DAB2IP: variants seen among roughly 807,000 people sequenced by gnomAD.
DAB2IP encodes disabled homolog 2-interacting protein.
DAB2IP carries 28 observed loss-of-function variants against 107.2 expected under a neutral mutation model. The ratio of observed to expected loss-of-function variants is 0.26; its 90% CI spans 0.19 to 0.36. The LOEUF is 0.36. Among genes scored for constraint, DAB2IP ranks in the 10% least tolerant of loss-of-function variants. DAB2IP has a pLI of 1.00. For synonymous variants in DAB2IP, 755 were observed against 706.4 expected, an observed-to-expected ratio of 1.07 and a Z score of -1.09; for missense variants, 1,400 against 1,644.7, an observed-to-expected ratio of 0.85 and a Z score of 2.57.
chr9:121,745,714 T>G (rs2118912762), intron 3 of DAB2IP, among the ~76,000 whole-genome samples: 1 of 152,206 alleles, frequency 6.6e-6, no homozygotes, highest in East Asian at 1.9e-4. Flanking sequence ...GCAACCCACT[T>G]GACGGGGTAG....
At chr9:121,679,465 G>A (rs950355660) in intron 2 of DAB2IP, among the ~76,000 whole-genome samples, 2 of 136,180 alleles carry the variant, frequency 1.5e-5, no homozygotes, top group Non-Finnish European at 3.0e-5. Context: ...AGAGTTCTGG[G>A]TCCCTTCACT....
chr9:121,669,578 A>G (rs1833591035), intron 1 of DAB2IP, among the ~76,000 whole-genome samples: 2 of 152,160 alleles, frequency 1.3e-5, no homozygotes, highest in African/African-American at 4.8e-5. Context: ...TGCTGTCAGA[A>G]GGCAGAGGCA....
chr9:121,582,590 G>A (rs1032812088), intron 1 of DAB2IP, among the ~76,000 whole-genome samples: 3 of 151,532 alleles, frequency 2.0e-5, no homozygotes, highest in Non-Finnish European at 2.9e-5. Flanking sequence ...CAGGCTCTCC[G>A]GACCCCTGGC....
Position 121,772,142 on chromosome 9 carries a change from C to T in DAB2IP, c.2079-465C>T, listed in dbSNP as rs915678267. Reference sequence around the variant, plus strand: ...GAGGCTGGGCAAGAGGAGGTTTCACCGGGCCCCCACTTCAGTTACCAGTCT... The same window carrying T: ...GAGGCTGGGCAAGAGGAGGTTTCACTGGGCCCCCACTTCAGTTACCAGTCT... On this transcript the variant is annotated intron_variant, in intron 11 of 15. Transcript: ENST00000408936. This position sits in a 1 kb window ranked among gnomAD's most constrained non-coding sequence, Gnocchi z 4.7. Among the ~76,000 whole-genome samples, 2 of 152,148 alleles carry T rather than the reference C, an allele frequency of 1.3e-5. No individual in the cohort carries two copies. The highest frequency in any genetic ancestry group is 2.4e-5 in the African/African-American group (1 of 41,420).
intron 2 of DAB2IP, among the ~76,000 whole-genome samples, chr9:121,681,506 AG>A (rs1419712895): frequency 1.3e-5 from 2 of 152,012 alleles, no homozygotes; most frequent in Non-Finnish European, 2.9e-5. Flanking sequence ...CTGCCCGGTT[AG>A]GGTCTGCAGG....
intron 1 of DAB2IP, among the ~76,000 whole-genome samples, chr9:121,632,475 C>T (rs1831932492): frequency 6.6e-6 from 1 of 152,134 alleles, no homozygotes; most frequent in Non-Finnish European, 1.5e-5. Flanking sequence ...TGAGCACAGA[C>T]CAGGTCTCCA....
intron 4 of DAB2IP, among the ~76,000 whole-genome samples, chr9:121,758,145 G>T (rs550780337): frequency 1.3e-5 from 2 of 152,216 alleles, no homozygotes; most frequent in African/African-American, 4.8e-5. Flanking sequence ...CTCGAATGCC[G>T]TGTGAGGAGT....
At chr9:121,778,169 C>T (rs1028458789) in intron 14 of DAB2IP, among the ~76,000 whole-genome samples, 2 of 152,292 alleles carry the variant, frequency 1.3e-5, no homozygotes, top group East Asian at 3.9e-4. Flanking sequence ...GCTGTGTTCT[C>T]ACATTGTAGG....
intron 1 of DAB2IP, among the ~76,000 whole-genome samples, chr9:121,660,768 A>G (rs975688866): frequency 2.0e-5 from 3 of 152,170 alleles, no homozygotes; most frequent in Admixed American, 2.0e-4. Flanking sequence ...GGGTTAGAAC[A>G]TTCCTTTTAT....
At chr9:121,730,493 C>G (rs895627753) in intron 3 of DAB2IP, among the ~76,000 whole-genome samples, 1 of 152,170 alleles carries the variant, frequency 6.6e-6, no homozygotes, top group African/African-American at 2.4e-5. Context: ...AACCTATCAC[C>G]CTCTCCTTTT....
Position 121,760,008 on chromosome 9 carries a change from G to A in DAB2IP, c.739G>A (p.Gly247Ser). ...CGATGTGCTCTATGCCCGCACCACGGGCAAGCTCAAGACGGACAATGTTTT... is the reference window on the plus strand; with the variant it reads ...CGATGTGCTCTATGCCCGCACCACGAGCAAGCTCAAGACGGACAATGTTTT... The change falls in exon 6 of 16, where the codon GGC (glycine) becomes AGC (serine). Residue 247 changes from glycine (G) to serine (S), a missense_variant. This residue lies in a region of DAB2IP where 517 missense variants were observed against 748.6 expected (regional missense o/e 0.69). Transcript: ENST00000408936. The surrounding 1 kb of genome is among the most constrained non-coding windows in gnomAD (Gnocchi z 5.9). 6.2e-7 allele frequency: 1 copy of A among 1,614,200 alleles called. No individual in the cohort carries two copies. The highest frequency in any genetic ancestry group is 8.5e-7 in the Non-Finnish European group (1 of 1,180,042).
At chr9:121,596,852 C>T (rs1453523731) in intron 1 of DAB2IP, among the ~76,000 whole-genome samples, 1 of 152,216 alleles carries the variant, frequency 6.6e-6, no homozygotes, top group Non-Finnish European at 1.5e-5. Context: ...CCACTCCTGC[C>T]TGCAGCACAG....
chr9:121,685,995 G>A (rs1416120744), intron 2 of DAB2IP, among the ~76,000 whole-genome samples: 4 of 152,196 alleles, frequency 2.6e-5, no homozygotes, highest in Non-Finnish European at 5.9e-5. Context: ...GGAGTATGAG[G>A]TCCTCAGCAA....
At chr9:121,584,330 G>A (rs1177807130) in intron 1 of DAB2IP, among the ~76,000 whole-genome samples, 3 of 151,896 alleles carry the variant, frequency 2.0e-5, no homozygotes, top group African/African-American at 7.3e-5. Context: ...TTGAGCCCAG[G>A]AATTTGAGGC....
intron 1 of DAB2IP, among the ~76,000 whole-genome samples, chr9:121,587,274 GA>G (rs1285808747): frequency 6.6e-6 from 1 of 152,090 alleles, no homozygotes; most frequent in African/African-American, 2.4e-5. Flanking sequence ...ACAGCTTGAG[GA>G]AAAAACCCGG....
intron 1 of DAB2IP, among the ~76,000 whole-genome samples, chr9:121,613,012 T>C (rs1167772461): frequency 6.6e-6 from 1 of 152,182 alleles, no homozygotes; most frequent in Non-Finnish European, 1.5e-5. Context: ...TTGTCCTGGC[T>C]ATTCCTAGAG....
At chr9:121,706,657 C>T (rs1363413006) in intron 3 of DAB2IP, among the ~76,000 whole-genome samples, 1 of 152,168 alleles carries the variant, frequency 6.6e-6, no homozygotes, top group East Asian at 1.9e-4. Flanking sequence ...GCTGGAAACT[C>T]GCAGGAGATT....
Position 121,782,567 on chromosome 9 carries a change from C to A in DAB2IP, c.*69C>A. 6.4e-7 allele frequency: 1 copy of A among 1,573,908 alleles called. No homozygotes were observed. Among genetic ancestry groups the A allele is most frequent in the Non-Finnish European group, 8.7e-7 (1 of 1,155,952 alleles). ...TGGTGGCCAAGGGCAGGGTCTCGGC[C>A]TGGGGAGGCACCCACGGTTGCAGCC... On this transcript the variant is annotated 3_prime_UTR_variant, in exon 16 of 16. Transcript: ENST00000408936. The surrounding 1 kb of genome is among the most constrained non-coding windows in gnomAD (Gnocchi z 6.1).
intron 1 of DAB2IP, among the ~76,000 whole-genome samples, chr9:121,621,720 C>T (rs1007719062): frequency 6.6e-6 from 1 of 150,524 alleles, no homozygotes; most frequent in African/African-American, 2.4e-5. Context: ...ACTGCAACCT[C>T]CACCTCCCAG....
Sources: gnomAD v4.1 joint callset for allele counts (sites outside exome capture counted in the v4.1 genomes callset) on GRCh38, gnomAD v4.1.1 for gene constraint, gnomAD v4.1.1 regional missense constraint, Gnocchi (gnomAD v3.1) non-coding constraint, MANE v1.5 for transcripts, NCBI Gene and HGNC (gene_info 2026-07-23, HGNC 2026-07-21) for gene names.